The following EHBP1 variants were observed in gnomAD, a reference collection of about 807,000 sequenced individuals.
The protein encoded by EHBP1 is EH domain binding protein 1, also known as EH domain-binding protein 1.
In EHBP1, 55 loss-of-function variants were observed where a neutral mutation model predicts 144.0. That is an observed-to-expected ratio of 0.38 (90% CI 0.31 to 0.48). The LOEUF (loss-of-function observed/expected upper bound fraction) is 0.48, where lower values mean the gene tolerates loss of function less well. EHBP1 is among the 20% of genes least tolerant of loss of function. The pLI is 0.98. For synonymous variants in EHBP1, 469 were observed against 472.7 expected (o/e 0.99, Z 0.10); for missense variants, 1,200 against 1,364.2 (o/e 0.88, Z 1.90).
At chr2:62,820,705 C>G (rs2045882340) in intron 5 of EHBP1, among the ~76,000 whole-genome samples, 1 of 118,370 alleles carries the variant, frequency 8.4e-6, no homozygotes, top group South Asian at 2.7e-4. Flanking sequence ...AATAGTATTC[C>G]ATTGGGTGTG....
chr2:62,975,251 T>G (rs975036187), intron 14 of EHBP1, among the ~76,000 whole-genome samples: 8 of 152,198 alleles, frequency 5.3e-5, no homozygotes, highest in Admixed American at 5.2e-4. Flanking sequence ...TCAAGACAGC[T>G]TAGGCAGAAA....
intron 2 of EHBP1, among the ~76,000 whole-genome samples, chr2:62,711,143 T>G (rs67789268): frequency 0.17 from 25,440 of 152,110 alleles, 2,341 homozygotes; most frequent in Middle Eastern, 0.3. Context: ...GTCAGACATA[T>G]GTAACACACA....
At chr2:62,835,217 AAG>A (rs1471632937) in intron 7 of EHBP1, among the ~76,000 whole-genome samples, 3 of 152,050 alleles carry the variant, frequency 2.0e-5, no homozygotes, top group African/African-American at 7.2e-5. Context: ...TTAACTTTAT[AAG>A]CTTTGCCCTT....
intron 10 of EHBP1, among the ~76,000 whole-genome samples, chr2:62,925,355 A>G (rs1021390287): frequency 4.6e-5 from 7 of 152,052 alleles, no homozygotes; most frequent in Non-Finnish European, 7.4e-5. Flanking sequence ...AAGGAGAGCA[A>G]TTAGGCAAGA....
At chr2:62,723,239 C>T (rs1296641103) in intron 2 of EHBP1, among the ~76,000 whole-genome samples, 1 of 152,058 alleles carries the variant, frequency 6.6e-6, no homozygotes, top group Non-Finnish European at 1.5e-5. Flanking sequence ...ATGTAATGCC[C>T]TTCTTTGTCT....
intron 19 of EHBP1, among the ~76,000 whole-genome samples, chr2:63,006,168 T>C (rs1158168250): frequency 6.6e-6 from 1 of 152,076 alleles, no homozygotes. Flanking sequence ...ATTCATCTTT[T>C]GGCTCCCTCA....
chr2:62,734,078 C>T (rs1304162175), intron 2 of EHBP1, among the ~76,000 whole-genome samples: 3 of 152,146 alleles, frequency 2.0e-5, no homozygotes, highest in Non-Finnish European at 2.9e-5. Context: ...TTCCAGGCTC[C>T]TGACATGCTT....
chr2:62,931,420 C>T (rs887473091), intron 10 of EHBP1, among the ~76,000 whole-genome samples: 1 of 152,132 alleles, frequency 6.6e-6, no homozygotes, highest in Non-Finnish European at 1.5e-5. Flanking sequence ...AATTAGTACC[C>T]TTGTGCACTG....
chr2:62,720,663 C>T (rs944684954), intron 2 of EHBP1, among the ~76,000 whole-genome samples: 2 of 152,060 alleles, frequency 1.3e-5, no homozygotes, highest in African/African-American at 4.8e-5. Context: ...TTGGTTAATT[C>T]ATTTATTTTG....
intron 19 of EHBP1, among the ~76,000 whole-genome samples, chr2:63,029,042 C>A (rs1313487961): frequency 6.6e-6 from 1 of 151,930 alleles, no homozygotes; most frequent in Non-Finnish European, 1.5e-5. Flanking sequence ...TTCTGTTAGT[C>A]CATAATTTTC....
chr2:63,027,915 A>T (rs2061053469), intron 19 of EHBP1, among the ~76,000 whole-genome samples: 1 of 151,920 alleles, frequency 6.6e-6, no homozygotes, highest in Admixed American at 6.6e-5. Flanking sequence ...TGGTGAGTAT[A>T]TGTTTTTGTT....
At chr2:62,909,238 G>A (rs35617987) in intron 10 of EHBP1, among the ~76,000 whole-genome samples, 16,580 of 152,044 alleles carry the variant, frequency 0.11, 1,201 homozygotes, top group East Asian at 0.19. Context: ...GAGTGCAGTG[G>A]CACAATCTTG....
chr2:62,863,258 C>G (rs2049738707), intron 8 of EHBP1, among the ~76,000 whole-genome samples: 1 of 151,566 alleles, frequency 6.6e-6, no homozygotes, highest in African/African-American at 2.4e-5. Context: ...GCACTCCAGC[C>G]TGGGCAACAG....
At chr2:62,809,292 GAAAAAA>G (rs985494969) in intron 5 of EHBP1, among the ~76,000 whole-genome samples, 3 of 46,574 alleles carry the variant, frequency 6.4e-5, no homozygotes, top group Non-Finnish European at 1.4e-4. Flanking sequence ...CTATGTCTCA[GAAAAAA>G]AAAAAAAAAA....
At chr2:62,987,144 A>C (rs1289335599) in intron 15 of EHBP1, among the ~76,000 whole-genome samples, 1 of 152,210 alleles carries the variant, frequency 6.6e-6, no homozygotes, top group East Asian at 1.9e-4. Context: ...AAATGTATAG[A>C]ATTCAAAATT....
In EHBP1 at chr2:62,948,523, G is replaced by T; in HGVS notation, c.1677G>T (p.Glu559Asp). Residue 559 changes from glutamate (E) to aspartate (D), a missense_variant, in exon 13 of 23, where the codon GAG becomes GAT. Around this residue, in one of 6 missense-constraint regions of EHBP1, gnomAD observed 543 missense variants for 513.1 expected, o/e 1.06. Transcript: ENST00000431489. Reference protein sequence around the residue: ...FYAELSDLKREPELQQPISGA... With the variant: ...FYAELSDLKRDPELQQPISGA... ...CAGAGCTTAGTGATCTGAAGCGGGA[G>T]CCTGAACTACAACAGCCTATCAGCG... 1.2e-6 allele frequency: 2 copies of T among 1,614,094 alleles called. No homozygotes were observed. Among genetic ancestry groups the T allele is most frequent in the Non-Finnish European group, 1.7e-6 (2 of 1,179,962 alleles).
chr2:62,932,769 C>G (rs1238486310), intron 10 of EHBP1, among the ~76,000 whole-genome samples: 1 of 151,918 alleles, frequency 6.6e-6, no homozygotes, highest in African/African-American at 2.4e-5. Context: ...GCCTGGGCAA[C>G]GTGGCGGAAT....
chr2:63,028,159 A>C lies in EHBP1; in HGVS notation c.3104-9376A>C, dbSNP rs181311753. Among the ~76,000 whole-genome samples the C allele has an allele frequency of 2.0e-5, 3 of 152,320 alleles. No homozygotes were observed. In the East Asian group the frequency reaches 5.8e-4, roughly 29 times the overall value. ...AGTATATGATGTAATCCATATGTTCATTACCATAGTTTAGACATTCCACAA... is the reference window on the plus strand; with the variant it reads ...AGTATATGATGTAATCCATATGTTCCTTACCATAGTTTAGACATTCCACAA... On this transcript the variant is annotated intron_variant, in intron 19 of 22. Transcript: ENST00000431489.
At chr2:62,996,557 G>T in intron 18 of EHBP1, 86 bp from the exon 19 acceptor site, 1 of 1,554,194 alleles carries the variant, frequency 6.4e-7, no homozygotes, top group African/African-American at 1.4e-5. Flanking sequence ...GGTTCTCTAG[G>T]TAAGTGCTTT....
Sources: gnomAD v4.1 joint callset for allele counts (sites outside exome capture counted in the v4.1 genomes callset) on GRCh38, gnomAD v4.1.1 for gene constraint, gnomAD v4.1.1 regional missense constraint, MANE v1.5 for transcripts, NCBI Gene and HGNC (gene_info 2026-07-23, HGNC 2026-07-21) for gene names.